Variants in MED13L observed in about 807,000 individuals in gnomAD.
The protein encoded by MED13L is mediator complex subunit 13L.
Under a neutral mutation model 220.9 loss-of-function variants are expected in MED13L, and 7 were observed. The observed-to-expected ratio is 0.03, with a 90% CI of 0.02 to 0.06. The LOEUF (loss-of-function observed/expected upper bound fraction) is 0.06, where lower values mean the gene tolerates loss of function less well. MED13L is among the 10% of genes least tolerant of loss of function. The pLI is 1.00. For synonymous variants in MED13L, 1,011 were observed against 1,015.2 expected, an observed-to-expected ratio of 1.00 and a Z score of 0.08; for missense variants, 1,965 against 2,760.5, an observed-to-expected ratio of 0.71 and a Z score of 6.46.
At chr12:116,117,025 T>C (rs930197008) in intron 2 of MED13L, among the ~76,000 whole-genome samples, 1 of 151,888 alleles carries the variant, frequency 6.6e-6, no homozygotes, top group African/African-American at 2.4e-5. Flanking sequence ...AGTAGTTGTA[T>C]TTGTAAATGC....
rs1195321332 is a variant in MED13L at position 116,221,479 on chromosome 12, T to C, written c.310+15989A>G. Among the ~76,000 whole-genome samples, 7 of 152,258 alleles carry C rather than the reference T, an allele frequency of 4.6e-5. No individual in the cohort carries two copies. In the South Asian group the frequency reaches 6.2e-4, roughly 14 times the overall value. ...CCCAAAACTACTTTACACTGCAAGA[T>C]TGATTACCAAGCACCTACCACAATG... On this transcript the variant is annotated intron_variant, in intron 2 of 30. Coordinates refer to ENST00000281928, the MANE Select transcript of MED13L (RefSeq NM_015335.5).
At chr12:116,038,557 G>C (rs898366910) in intron 4 of MED13L, among the ~76,000 whole-genome samples, 6 of 152,020 alleles carry the variant, frequency 3.9e-5, no homozygotes, top group African/African-American at 1.2e-4. Context: ...GGCAGTCATG[G>C]TGGAATTCTT....
intron 2 of MED13L, among the ~76,000 whole-genome samples, chr12:116,131,466 C>A (rs933024971): frequency 2.0e-5 from 3 of 152,194 alleles, no homozygotes; most frequent in Non-Finnish European, 2.9e-5. Flanking sequence ...AGCTCTGCCA[C>A]AACACTGTGT....
intron 2 of MED13L, among the ~76,000 whole-genome samples, chr12:116,130,724 T>C (rs142139276): frequency 4.6e-5 from 7 of 152,334 alleles, no homozygotes; most frequent in Admixed American, 2.6e-4. Flanking sequence ...ACAGAAGTTC[T>C]ACAACAGACA....
chr12:116,002,670 C>G (rs1878821233), intron 14 of MED13L, among the ~76,000 whole-genome samples: 1 of 152,160 alleles, frequency 6.6e-6, no homozygotes, highest in African/African-American at 2.4e-5. Flanking sequence ...AATAGAGTAT[C>G]AGTTTGAAAA....
At chr12:116,185,321 T>C (rs1880808872) in intron 2 of MED13L, among the ~76,000 whole-genome samples, 1 of 151,850 alleles carries the variant, frequency 6.6e-6, no homozygotes, top group Admixed American at 6.6e-5. Flanking sequence ...TAACAAGACC[T>C]ACTTGATCAC....
At chr12:116,051,897 T>C (rs922121686) in intron 4 of MED13L, among the ~76,000 whole-genome samples, 3 of 152,146 alleles carry the variant, frequency 2.0e-5, no homozygotes, top group South Asian at 2.1e-4. Flanking sequence ...CTGACTGATA[T>C]GAATGCAAGG....
At chr12:116,112,373 G>A (rs1481805576) in intron 2 of MED13L, among the ~76,000 whole-genome samples, 1 of 152,098 alleles carries the variant, frequency 6.6e-6, no homozygotes, top group African/African-American at 2.4e-5. Flanking sequence ...GCACTCAGAG[G>A]AGAAAATTCT....
At chr12:116,271,231 G>A (rs995448999) in intron 1 of MED13L, among the ~76,000 whole-genome samples, 2 of 151,834 alleles carry the variant, frequency 1.3e-5, no homozygotes, top group Admixed American at 6.6e-5. Flanking sequence ...GAGTGTGTGC[G>A]CTAGAATACT....
intron 2 of MED13L, among the ~76,000 whole-genome samples, chr12:116,197,364 C>T (rs1490083186): frequency 6.6e-6 from 1 of 152,164 alleles, no homozygotes; most frequent in Non-Finnish European, 1.5e-5. Flanking sequence ...TATCTCTGTT[C>T]TCTGCTTTAT....
chr12:116,131,936 T>G (rs1467268186), intron 2 of MED13L, among the ~76,000 whole-genome samples: 3 of 151,278 alleles, frequency 2.0e-5, no homozygotes, highest in Non-Finnish European at 4.4e-5. Context: ...TGAGCCGAGA[T>G]CACGCCACTG....
chr12:116,210,163 G>C (rs546997106), intron 2 of MED13L, among the ~76,000 whole-genome samples: 2 of 152,128 alleles, frequency 1.3e-5, no homozygotes, highest in African/African-American at 4.8e-5. Context: ...AGTTAGCAGA[G>C]GCACCCTGAA....
At chr12:116,272,608 A>G (rs560086545) in intron 1 of MED13L, among the ~76,000 whole-genome samples, 1 of 152,272 alleles carries the variant, frequency 6.6e-6, no homozygotes, top group Admixed American at 6.5e-5. Context: ...ACCTGGCATA[A>G]ATTCAATAAA....
chr12:115,986,313 G>A lies in MED13L; in HGVS notation c.4291C>T (p.Leu1431Phe). Residue 1431 changes from leucine (L) to phenylalanine (F), a missense_variant, in exon 19 of 31, where the codon CTC (leucine) becomes TTC (phenylalanine). Around this residue, in one of 10 missense-constraint regions of MED13L, gnomAD observed 510 missense variants for 620.4 expected, o/e 0.82. Transcript: ENST00000281928. ...IVVCPENEAL[L>F]EGAKTFFRDL... ...CTGAAGAAAGTTTTGGCTCCTTCGAGCAAGGCCTCATTTTCTGGACACACC... is the reference window on the plus strand; with the variant it reads ...CTGAAGAAAGTTTTGGCTCCTTCGAACAAGGCCTCATTTTCTGGACACACC... 1 of 1,614,094 alleles carries A rather than the reference G, an allele frequency of 6.2e-7. No individual in the cohort carries two copies. Among genetic ancestry groups the A allele is most frequent in the Non-Finnish European group, 8.5e-7 (1 of 1,180,000 alleles).
At chr12:116,222,240 T>C (rs185854900) in intron 2 of MED13L, among the ~76,000 whole-genome samples, 3 of 152,330 alleles carry the variant, frequency 2.0e-5, no homozygotes, top group African/African-American at 7.2e-5. Flanking sequence ...ATAATTTCCA[T>C]AGTACAGACA....
At chr12:116,024,619 C>G (rs866616508) in intron 4 of MED13L, among the ~76,000 whole-genome samples, 1 of 152,038 alleles carries the variant, frequency 6.6e-6, no homozygotes, top group Non-Finnish European at 1.5e-5. Flanking sequence ...TGTGCAGAAG[C>G]TTTTTACTTT....
At chr12:116,084,303 A>AT (rs1565869145) in intron 4 of MED13L, among the ~76,000 whole-genome samples, 4 of 152,222 alleles carry the variant, frequency 2.6e-5, no homozygotes, top group Non-Finnish European at 5.9e-5. Flanking sequence ...ATAATGCACG[A>AT]CAGTACATAT....
At chr12:115,972,896 T>C (rs1876685577) in intron 25 of MED13L, among the ~76,000 whole-genome samples, 1 of 152,080 alleles carries the variant, frequency 6.6e-6, no homozygotes, top group African/African-American at 2.4e-5. Flanking sequence ...CTCTGAGAAG[T>C]GGAAAGCACT....
intron 2 of MED13L, among the ~76,000 whole-genome samples, chr12:116,218,911 A>G (rs1883157764): frequency 6.6e-6 from 1 of 151,826 alleles, no homozygotes; most frequent in Admixed American, 6.6e-5. Context: ...TTTTTTTTGT[A>G]TTTTTGTAGA....
Sources: gnomAD v4.1 joint callset for allele counts (sites outside exome capture counted in the v4.1 genomes callset) on GRCh38, gnomAD v4.1.1 for gene constraint, gnomAD v4.1.1 regional missense constraint, MANE v1.5 for transcripts, NCBI Gene and HGNC (gene_info 2026-07-23, HGNC 2026-07-21) for gene names.